Variants in EEF1AKMT3 observed in about 807,000 individuals in gnomAD.
EEF1AKMT3 encodes the protein eEF1A-KMT3.
Under a neutral mutation model 17.8 loss-of-function variants are expected in EEF1AKMT3, and 17 were observed. The ratio of observed to expected loss-of-function variants is 0.96; its 90% CI spans 0.65 to 1.43. The LOEUF (loss-of-function observed/expected upper bound fraction) is 1.43, where lower values mean the gene tolerates loss of function less well. Ranked by LOEUF, EEF1AKMT3 falls within the 40% of genes most tolerant of loss-of-function variation. EEF1AKMT3 has a pLI of 0.00. For missense variants in EEF1AKMT3, 244 were observed against 285.8 expected (o/e 0.85, Z 1.06); for synonymous variants, 116 against 126.5 (o/e 0.92, Z 0.56).
rs1374508907 is a variant in EEF1AKMT3 at position 57,781,476 on chromosome 12, T to C, written c.*830T>C. On this transcript the variant is annotated 3_prime_UTR_variant, in exon 3 of 3. Coordinates refer to ENST00000300209, the MANE Select transcript of EEF1AKMT3 (RefSeq NM_015433.3). Reference sequence around the variant, plus strand: ...CTCAAACCACCCATTTCCTGCTTTTTAGAGATAGAGTCTAGTGGAACCATG... The same window carrying C: ...CTCAAACCACCCATTTCCTGCTTTTCAGAGATAGAGTCTAGTGGAACCATG... 1 of 152,158 alleles carries C rather than the reference T, an allele frequency of 6.6e-6. No individual in the cohort carries two copies. The highest frequency in any genetic ancestry group is 1.9e-4 in the East Asian group (1 of 5,184). 9.4% of individuals were successfully genotyped at this position (152,158 alleles called of 1,614,324 possible).
chr12:57,774,758 G>T, intron 2 of EEF1AKMT3: 1 of 1,609,040 alleles, frequency 6.2e-7, no homozygotes, highest in Middle Eastern at 1.7e-4. Flanking sequence ...ATCAAGGGAA[G>T]CTCTGTCAGG....
rs994169821 is a variant in EEF1AKMT3 at position 57,773,221 on chromosome 12, T to C, written c.289+93T>C. The C allele has an allele frequency of 9.7e-6, 12 of 1,232,414 alleles. No individual in the cohort carries two copies. The African/African-American group carries it at 1.8e-4, about 18-fold the overall frequency. 76.3% of individuals were successfully genotyped at this position (1,232,414 alleles called of 1,614,324 possible). On this transcript the variant is annotated intron_variant, in intron 2 of 2. Transcript: ENST00000300209. ...GATCTTTGGGGGAGAGGGGAGAACTTTGGGCCCAGTCTAACCCCTTCTTTT... is the reference window on the plus strand; with the variant it reads ...GATCTTTGGGGGAGAGGGGAGAACTCTGGGCCCAGTCTAACCCCTTCTTTT...
rs1014099228 is a variant in EEF1AKMT3, at chr12:57,776,799, C to T, written c.290-3456C>T. ...CCAAGTAGCTGGGATTACAGGCACGCACCACCATGCCTGGCTAATTTTTGT... is the reference window on the plus strand; with the variant it reads ...CCAAGTAGCTGGGATTACAGGCACGTACCACCATGCCTGGCTAATTTTTGT... On this transcript the variant is annotated intron_variant, in intron 2 of 2. Transcript: ENST00000300209. 4.6e-5 allele frequency among the ~76,000 whole-genome samples: 7 copies of T among 152,026 alleles called. No homozygotes were observed. The East Asian group carries it at 1.3e-3, about 29-fold the overall frequency.
At chr12:57,774,589 G>T in intron 2 of EEF1AKMT3, 1 of 911,324 alleles carries the variant, frequency 1.1e-6, no homozygotes, top group South Asian at 1.4e-5. Flanking sequence ...CTAGGTATTG[G>T]GGATTCAACA....
chr12:57,778,307 T>TTTTTC (rs536788916), intron 2 of EEF1AKMT3, among the ~76,000 whole-genome samples: 3 of 105,388 alleles, frequency 2.8e-5, no homozygotes, highest in South Asian at 4.2e-4. Context: ...TTTTTTTTTT[T>TTTTTC]TGAGACAGGT....
In EEF1AKMT3 at chr12:57,772,801, C is replaced by T; in HGVS notation, c.77C>T (p.Ser26Phe). Residue 26 changes from serine (S) to phenylalanine (F), a missense_variant, in exon 1 of 3, where the codon TCT (serine) becomes TTT (phenylalanine). Ser to Phe is a radical substitution (Grantham distance 155). Coordinates refer to ENST00000300209, the MANE Select transcript of EEF1AKMT3 (RefSeq NM_015433.3). The surrounding 1 kb of genome is among the most constrained non-coding windows in gnomAD (Gnocchi z 4.1). The part of the protein sequence containing the change: ...FPREVGLFAD[S>F]YSEKSQFCFC... ...CGGGAGGTCGGGCTCTTTGCAGACT[C>T]TTACTCGGAGAAGAGCCAGTTCTGT... 6.2e-7 allele frequency: 1 copy of T among 1,614,194 alleles called. No homozygotes were observed. The highest frequency in any genetic ancestry group is 8.5e-7 in the Non-Finnish European group (1 of 1,180,004).
intron 2 of EEF1AKMT3, among the ~76,000 whole-genome samples, chr12:57,774,410 G>A (rs1341621935): frequency 6.6e-6 from 1 of 152,166 alleles, no homozygotes; most frequent in Non-Finnish European, 1.5e-5. Context: ...AACCCGGGAG[G>A]TGAAGGTTGC....
chr12:57,774,653 C>T, intron 2 of EEF1AKMT3: 1 of 1,556,932 alleles, frequency 6.4e-7, no homozygotes, highest in Non-Finnish European at 8.9e-7. Context: ...GTGAGGGAGA[C>T]AGAGGACGAT....
Position 57,773,104 on chromosome 12 carries a change from G to A in EEF1AKMT3, c.265G>A (p.Val89Met). The A allele has an allele frequency of 6.2e-7, 1 of 1,614,210 alleles. No individual in the cohort carries two copies. The highest frequency in any genetic ancestry group is 8.5e-7 in the Non-Finnish European group (1 of 1,180,032). ...VIELGAGTGI[V>M]GILAALQGGD... Reference sequence around the variant, plus strand: ...CGAACTGGGTGCGGGGACAGGCATCGTGGGGATCTTGGCAGCGCTGCAGGG... The same window carrying A: ...CGAACTGGGTGCGGGGACAGGCATCATGGGGATCTTGGCAGCGCTGCAGGG... The change falls in exon 2 of 3, where the codon GTG becomes ATG. Residue 89 changes from valine (V) to methionine (M), a missense_variant. Physicochemically the swap from Val to Met is conservative, Grantham distance 21. Transcript: ENST00000300209.
Position 57,778,307 on chromosome 12 carries a change from T to TTTTTTTTTTTTTTTTTTTTTTC in EEF1AKMT3, c.290-1947_290-1946insTTTTTTTTTTTTTTTTTTTTCT, listed in dbSNP as rs536788916. ...ACCATCCTGAGCTTTTTTTTTTTTT[T>TTTTTTTTTTTTTTTTTTTTTTC]TGAGACAGGTTCTCACTCTGTTGCC... is the stretch of plus-strand genomic sequence containing the variant. On this transcript the variant is annotated intron_variant, in intron 2 of 2. Coordinates refer to ENST00000300209, the MANE Select transcript of EEF1AKMT3 (RefSeq NM_015433.3). Among the ~76,000 whole-genome samples the TTTTTTTTTTTTTTTTTTTTTTC allele has an allele frequency of 6.3e-4, 66 of 105,388 alleles. 11 individuals are homozygous for TTTTTTTTTTTTTTTTTTTTTTC. The highest frequency in any genetic ancestry group is 1.7e-3 in the South Asian group (4 of 2,354). 69.1% of individuals were successfully genotyped at this position (105,388 alleles called of 152,430 possible).
intron 2 of EEF1AKMT3, among the ~76,000 whole-genome samples, chr12:57,778,928 C>T (rs557967823): frequency 7.4e-4 from 113 of 152,192 alleles, no homozygotes; most frequent in African/African-American, 2.7e-3. Context: ...GGCACAATCT[C>T]GGCTCATTGC....
chr12:57,780,382 C>T lies in EEF1AKMT3; in HGVS notation c.417C>T (p.Val139=), dbSNP rs1955505178. 1 of 1,614,192 alleles carries T rather than the reference C, an allele frequency of 6.2e-7. No homozygotes were observed. The highest frequency in any genetic ancestry group is 1.7e-5 in the Admixed American group (1 of 60,028). Residue 139 remains valine, a synonymous_variant, in exon 3 of 3, where the codon GTC becomes GTT. Coordinates refer to ENST00000300209, the MANE Select transcript of EEF1AKMT3 (RefSeq NM_015433.3). ...RALSWGIDHH[V]FPANYDLVLG... ...TGTCCTGGGGGATTGACCATCATGT[C>T]TTCCCTGCAAACTATGACCTGGTGC...
chr12:57,780,237 C>T lies in EEF1AKMT3; in HGVS notation c.290-18C>T, dbSNP rs1308906538. 6.2e-7 allele frequency: 1 copy of T among 1,606,064 alleles called. No homozygotes were observed. The highest frequency in any genetic ancestry group is 1.1e-5 in the South Asian group (1 of 90,182). ...TTGGTTCCTCTGACTTGCATTTTTC[C>T]TCCTTCCTCTCTCTCAGGGGGGGAT... On this transcript the variant is annotated intron_variant, in intron 2 of 2. Transcript: ENST00000300209.
chr12:57,775,685 C>G (rs143199796), intron 2 of EEF1AKMT3, among the ~76,000 whole-genome samples: 1 of 152,332 alleles, frequency 6.6e-6, no homozygotes, highest in East Asian at 1.9e-4. Context: ...GTTCAGGCCA[C>G]TGGCATCTCT....
At chr12:57,775,876 C>T (rs1460807459) in intron 2 of EEF1AKMT3, among the ~76,000 whole-genome samples, 1 of 152,222 alleles carries the variant, frequency 6.6e-6, no homozygotes, top group Non-Finnish European at 1.5e-5. Context: ...CCCTCTTTCT[C>T]ACCTACATGT....
intron 2 of EEF1AKMT3, among the ~76,000 whole-genome samples, chr12:57,775,910 A>C (rs1000322606): frequency 6.6e-6 from 1 of 152,082 alleles, no homozygotes; most frequent in African/African-American, 2.4e-5. Context: ...TATCTCCTAA[A>C]AATTTCTTAA....
intron 2 of EEF1AKMT3, among the ~76,000 whole-genome samples, chr12:57,774,209 A>G (rs10877016): frequency 0.29 from 44,689 of 152,172 alleles, 7,511 homozygotes; most frequent in East Asian, 0.66. Context: ...AGCCGGGCGC[A>G]GTGGCTCACA....
chr12:57,782,413 C>T lies in EEF1AKMT3; in HGVS notation c.*1767C>T, dbSNP rs566315818. 1.7e-5 allele frequency: 4 copies of T among 234,604 alleles called. No individual in the cohort carries two copies. The highest frequency in any genetic ancestry group is 4.6e-5 in the African/African-American group (2 of 43,936). The allele number at this position is 234,604 out of a possible 1,614,324, so 14.5% of individuals were successfully genotyped here. ...TACTCGCTTTGTTTAATGGATTCCA[C>T]CCCTGCCTTCCTAGGTGACCTTGGA... is the stretch of plus-strand genomic sequence containing the variant. On this transcript the variant is annotated 3_prime_UTR_variant, in exon 3 of 3. Coordinates refer to ENST00000300209, the MANE Select transcript of EEF1AKMT3 (RefSeq NM_015433.3).
intron 2 of EEF1AKMT3, chr12:57,774,820 T>C: frequency 6.5e-7 from 1 of 1,528,700 alleles, no homozygotes; most frequent in East Asian, 2.4e-5. Flanking sequence ...CACTGGAGGG[T>C]GCCGGCCGGG....
Sources: gnomAD v4.1 joint callset for allele counts (sites outside exome capture counted in the v4.1 genomes callset) on GRCh38, gnomAD v4.1.1 for gene constraint, Gnocchi (gnomAD v3.1) non-coding constraint, MANE v1.5 for transcripts, NCBI Gene and HGNC (gene_info 2026-07-23, HGNC 2026-07-21) for gene names.